The following GSK3B variants were observed in gnomAD, a reference collection of about 807,000 sequenced individuals.
GSK3B encodes glycogen synthase kinase 3 beta.
Under a neutral mutation model 56.4 loss-of-function variants are expected in GSK3B, and 15 were observed. That is an observed-to-expected ratio of 0.27 (90% CI 0.18 to 0.41). GSK3B has a LOEUF of 0.41. Among genes scored for constraint, GSK3B ranks in the 10% least tolerant of loss-of-function variants. The probability of loss-of-function intolerance (pLI) is 1.00; values close to 1 mark genes in which losing one functional copy is unlikely to be tolerated. For missense variants in GSK3B, 300 were observed against 513.4 expected, an observed-to-expected ratio of 0.58 and a Z score of 4.02; for synonymous variants, 181 against 188.9, an observed-to-expected ratio of 0.96 and a Z score of 0.34.
intron 2 of GSK3B, among the ~76,000 whole-genome samples, chr3:119,988,673 G>T (rs1167732481): frequency 1.3e-5 from 2 of 152,274 alleles, no homozygotes; most frequent in South Asian, 4.1e-4. Context: ...GTTATCTTGG[G>T]ACCTCAAGAG....
intron 1 of GSK3B, among the ~76,000 whole-genome samples, chr3:120,086,075 T>C (rs1047744740): frequency 5.3e-5 from 8 of 152,020 alleles, no homozygotes. Context: ...CCTCTCTACA[T>C]AGCTATTCAT....
Position 119,826,838 on chromosome 3 carries a change from G to C in GSK3B, c.1213C>G (p.Arg405Gly), listed in dbSNP as rs202055878. Reference sequence around the variant, plus strand: ...GAAGCAGCATTATTGGTCTGTCCACGGTCTCCAGTATTAGCATCTGCAAGT... The same window carrying C: ...GAAGCAGCATTATTGGTCTGTCCACCGTCTCCAGTATTAGCATCTGCAAGT... ...TAASDANTGD[R>G]GQTNNAASAS... The change falls in exon 11 of 11, where the codon CGT becomes GGT. Residue 405 changes from arginine (R) to glycine (G), a missense_variant. Around this residue, in one of 6 missense-constraint regions of GSK3B, gnomAD observed 88 missense variants for 92.7 expected, o/e 0.95. Coordinates refer to ENST00000264235, the MANE Select transcript of GSK3B (RefSeq NM_001146156.2). The C allele has an allele frequency of 6.2e-6, 10 of 1,610,454 alleles. No homozygotes were observed. In the Admixed American group the frequency reaches 8.3e-5, roughly 13 times the overall value.
chr3:119,957,281 C>A (rs1196555167), intron 2 of GSK3B, among the ~76,000 whole-genome samples: 1 of 152,104 alleles, frequency 6.6e-6, no homozygotes, highest in African/African-American at 2.4e-5. Context: ...TGTAACAAAA[C>A]CCCAATTTTA....
intron 7 of GSK3B, among the ~76,000 whole-genome samples, chr3:119,878,060 C>T (rs1331456418): frequency 6.6e-6 from 1 of 152,132 alleles, no homozygotes; most frequent in Non-Finnish European, 1.5e-5. Context: ...CCATTCAGGG[C>T]AAAGTGAGAA....
At chr3:119,956,026 G>A (rs73175866) in intron 2 of GSK3B, among the ~76,000 whole-genome samples, 30 of 151,414 alleles carry the variant, frequency 2.0e-4, no homozygotes, top group Admixed American at 2.6e-4. Context: ...AGGTGGCGGC[G>A]GATAAAACTA....
At chr3:120,005,998 C>G (rs747257756) in intron 1 of GSK3B, among the ~76,000 whole-genome samples, 1 of 152,092 alleles carries the variant, frequency 6.6e-6, no homozygotes, top group Non-Finnish European at 1.5e-5. Context: ...GATAAAGACT[C>G]AAGACCCATC....
intron 3 of GSK3B, among the ~76,000 whole-genome samples, chr3:119,939,466 T>C (rs1433014550): frequency 6.6e-6 from 1 of 152,188 alleles, no homozygotes; most frequent in African/African-American, 2.4e-5. Context: ...ACATCTCCAA[T>C]GCTAATTGAT....
intron 7 of GSK3B, among the ~76,000 whole-genome samples, chr3:119,877,930 A>AT (rs2108050398): frequency 6.6e-6 from 1 of 152,322 alleles, no homozygotes; most frequent in Non-Finnish European, 1.5e-5. Flanking sequence ...AATCAAATTT[A>AT]TTGAAATAAA....
chr3:120,075,888 AC>A (rs1230521400), intron 1 of GSK3B, among the ~76,000 whole-genome samples: 2 of 152,172 alleles, frequency 1.3e-5, no homozygotes, highest in Non-Finnish European at 2.9e-5. Context: ...CCTAAAATTC[AC>A]ATGGAACCAC....
chr3:119,921,637 G>A (rs969284393), intron 4 of GSK3B, among the ~76,000 whole-genome samples: 7 of 152,102 alleles, frequency 4.6e-5, no homozygotes, highest in African/African-American at 1.7e-4. Flanking sequence ...AAGTTCAAGA[G>A]AGAGAAAAAG....
intron 1 of GSK3B, among the ~76,000 whole-genome samples, chr3:120,045,442 C>T (rs1019673380): frequency 3.3e-5 from 5 of 152,092 alleles, no homozygotes; most frequent in African/African-American, 4.8e-5. Context: ...AACCACACGT[C>T]CACCCTTCGA....
intron 4 of GSK3B, among the ~76,000 whole-genome samples, chr3:119,922,460 T>G (rs1213939874): frequency 6.8e-6 from 1 of 146,878 alleles, no homozygotes; most frequent in Non-Finnish European, 1.5e-5. Flanking sequence ...TTATATATAC[T>G]ATATATATAT....
intron 6 of GSK3B, among the ~76,000 whole-genome samples, chr3:119,906,318 G>A (rs1208209918): frequency 6.6e-6 from 1 of 151,940 alleles, no homozygotes; most frequent in Non-Finnish European, 1.5e-5. Flanking sequence ...GACTTTAAAT[G>A]GTTGATTTTT....
At chr3:119,868,100 C>A (rs2056205651) in intron 8 of GSK3B, among the ~76,000 whole-genome samples, 1 of 142,018 alleles carries the variant, frequency 7.0e-6, no homozygotes, top group African/African-American at 2.6e-5. Flanking sequence ...TAAAACAAAG[C>A]AAAAAATAAG....
chr3:119,978,456 T>C lies in GSK3B; in HGVS notation c.282+23590A>G, dbSNP rs114938595. Among the ~76,000 whole-genome samples the C allele has an allele frequency of 3.6e-3, 541 of 152,288 alleles. 3 individuals carry two copies. The highest frequency in any genetic ancestry group is 0.012 in the African/African-American group (511 of 41,562). On this transcript the variant is annotated intron_variant, in intron 2 of 10. Coordinates refer to ENST00000264235, the MANE Select transcript of GSK3B (RefSeq NM_001146156.2). ...TCAGGTTTTGTCTAAAATAAACCTG[T>C]CTTTAACTGCCAGCCGCGTTTTGTG...
intron 2 of GSK3B, among the ~76,000 whole-genome samples, chr3:119,955,155 TAA>T (rs766031580): frequency 3.3e-5 from 5 of 151,458 alleles, no homozygotes; most frequent in Non-Finnish European, 7.4e-5. Flanking sequence ...TTAGTCATCA[TAA>T]GACTCAAAAA....
rs562020529 is a variant in GSK3B, at chr3:119,872,995, T to C, written c.909+3418A>G. Among the ~76,000 whole-genome samples the C allele has an allele frequency of 8.5e-5, 13 of 152,298 alleles. No homozygotes were observed. In the South Asian group the frequency reaches 2.1e-3, roughly 24 times the overall value. ...ATTGCATCACTTCCTTTTCTTTCCA[T>C]GTGTTTTTCTTCTTTGCAGTGTACA... On this transcript the variant is annotated intron_variant, in intron 8 of 10. Coordinates refer to ENST00000264235, the MANE Select transcript of GSK3B (RefSeq NM_001146156.2).
At chr3:119,912,043 G>A (rs1559833387) in intron 6 of GSK3B, among the ~76,000 whole-genome samples, 1 of 152,094 alleles carries the variant, frequency 6.6e-6, no homozygotes, top group African/African-American at 2.4e-5. Flanking sequence ...GCACAATTTC[G>A]ATATGCCTTC....
At chr3:119,851,064 AT>A (rs2055923665) in intron 9 of GSK3B, among the ~76,000 whole-genome samples, 1 of 152,242 alleles carries the variant, frequency 6.6e-6, no homozygotes, top group African/African-American at 2.4e-5. Context: ...AAAACTATTC[AT>A]TAAAAAGCCA....
Sources: gnomAD v4.1 joint callset for allele counts (sites outside exome capture counted in the v4.1 genomes callset) on GRCh38, gnomAD v4.1.1 for gene constraint, gnomAD v4.1.1 regional missense constraint, MANE v1.5 for transcripts, NCBI Gene and HGNC (gene_info 2026-07-23, HGNC 2026-07-21) for gene names.